The following CNTNAP4 variants were observed in gnomAD, a reference collection of about 807,000 sequenced individuals.
CNTNAP4 encodes contactin-associated protein-like 4.
CNTNAP4 carries 98 observed loss-of-function variants against 148.4 expected under a neutral mutation model. The observed-to-expected ratio is 0.66, with a 90% CI of 0.56 to 0.78. The LOEUF is 0.78. Among genes scored for constraint, CNTNAP4 ranks in the 30% least tolerant of loss-of-function variants. The probability of loss-of-function intolerance (pLI) is 0.00; values close to 1 mark genes in which losing one functional copy is unlikely to be tolerated. For missense variants in CNTNAP4, 1,935 were observed against 1,565.6 expected (o/e 1.24, Z -3.98); for synonymous variants, 730 against 565.1 (o/e 1.29, Z -4.14).
chr16:76,498,582 A>G lies in CNTNAP4; in HGVS notation c.2253A>G (p.Gly751=). Residue 751 remains glycine, a synonymous_variant, in exon 15 of 24, where the codon GGA becomes GGG. Coordinates refer to ENST00000611870, the MANE Select transcript of CNTNAP4 (RefSeq NM_033401.5). Reference sequence around the variant, plus strand: ...TGTTTTTTAGGACCAATGACACTGGATTGCTTGCTTATAAAGAACATCTTC... The same window carrying G: ...TGTTTTTTAGGACCAATGACACTGGGTTGCTTGCTTATAAAGAACATCTTC... ...ADRNEWTNDT[G]LLAYKEHLPV... is the part of the protein sequence containing the mutation. The G allele has an allele frequency of 6.2e-7, 1 of 1,612,138 alleles. No individual in the cohort carries two copies.
chr16:76,277,573 C>A lies in CNTNAP4; in HGVS notation c.-90C>A. On this transcript the variant is annotated 5_prime_UTR_variant, in exon 1 of 24. Coordinates refer to ENST00000611870, the MANE Select transcript of CNTNAP4 (RefSeq NM_033401.5). ...ACAGAGACCTAGAGGGGCTGAAGAC[C>A]CAGACAGAGCTGGCAGAGCTACTGA... The A allele has an allele frequency of 1.2e-6, 1 of 837,694 alleles. No homozygotes were observed. The allele number at this position is 837,694 out of a possible 1,614,324, so 51.9% of individuals were successfully genotyped here. A position where few individuals can be genotyped will look rare whatever the true frequency, so the allele number is the denominator to read the frequency against.
At chr16:76,384,523 A>G (rs935004155) in intron 3 of CNTNAP4, among the ~76,000 whole-genome samples, 3 of 152,194 alleles carry the variant, frequency 2.0e-5, no homozygotes, top group African/African-American at 4.8e-5. Context: ...ATAAAGTGCC[A>G]TGTAGCTTTG....
chr16:76,314,653 C>G (rs983603367), intron 1 of CNTNAP4, among the ~76,000 whole-genome samples: 5 of 152,148 alleles, frequency 3.3e-5, no homozygotes, highest in African/African-American at 9.7e-5. Context: ...GTTAAGTAAA[C>G]GTTATCAATC....
intron 3 of CNTNAP4, among the ~76,000 whole-genome samples, chr16:76,385,625 A>G (rs1443303669): frequency 6.6e-6 from 1 of 151,700 alleles, no homozygotes. Flanking sequence ...ATGTTCTATA[A>G]AGTTCCTGTG....
chr16:76,314,507 A>G (rs1052767874), intron 1 of CNTNAP4, among the ~76,000 whole-genome samples: 4 of 152,226 alleles, frequency 2.6e-5, no homozygotes, highest in South Asian at 2.1e-4. Context: ...GAGCTCTGCT[A>G]CAAGGGTTTG....
chr16:76,440,261 T>A (rs1597546306), intron 4 of CNTNAP4, among the ~76,000 whole-genome samples: 1 of 152,162 alleles, frequency 6.6e-6, no homozygotes, highest in African/African-American at 2.4e-5. Context: ...CTAGTGTCTT[T>A]TTCAATCACT....
chr16:76,459,238 A>G (rs913024874), intron 8 of CNTNAP4, among the ~76,000 whole-genome samples: 2 of 152,222 alleles, frequency 1.3e-5, no homozygotes, highest in Non-Finnish European at 2.9e-5. Flanking sequence ...ATCTTAAAGG[A>G]AGCACTGGAT....
chr16:76,491,565 T>G (rs2082222697), intron 13 of CNTNAP4, among the ~76,000 whole-genome samples: 1 of 152,128 alleles, frequency 6.6e-6, no homozygotes, highest in African/African-American at 2.4e-5. Context: ...CTGTTTAGTT[T>G]GTAATGGGTT....
chr16:76,338,164 C>T (rs1294954488), intron 2 of CNTNAP4, among the ~76,000 whole-genome samples: 2 of 152,124 alleles, frequency 1.3e-5, no homozygotes, highest in Non-Finnish European at 2.9e-5. Flanking sequence ...GAAATCTTCA[C>T]AATTTATGTT....
At chr16:76,473,257 A>G (rs566493158) in intron 10 of CNTNAP4, among the ~76,000 whole-genome samples, 5 of 152,306 alleles carry the variant, frequency 3.3e-5, no homozygotes, top group African/African-American at 4.8e-5. Context: ...CAGATTGTAA[A>G]GTAGCATTTC....
At chr16:76,278,305 C>T (rs575568016) in intron 1 of CNTNAP4, among the ~76,000 whole-genome samples, 1 of 152,158 alleles carries the variant, frequency 6.6e-6, no homozygotes, top group Non-Finnish European at 1.5e-5. Flanking sequence ...GCTGTGCCCT[C>T]GCTGCTAAGA....
intron 1 of CNTNAP4, among the ~76,000 whole-genome samples, chr16:76,284,711 A>G (rs1381977206): frequency 6.6e-6 from 1 of 152,020 alleles, no homozygotes; most frequent in Non-Finnish European, 1.5e-5. Flanking sequence ...AATTTCTTCC[A>G]TGAGCTCTTA....
intron 1 of CNTNAP4, among the ~76,000 whole-genome samples, chr16:76,311,138 G>A (rs1253150629): frequency 6.6e-6 from 1 of 151,968 alleles, no homozygotes; most frequent in East Asian, 1.9e-4. Context: ...TAAGAAAATT[G>A]AATTACTTTT....
chr16:76,481,572 A>C (rs1227485983), intron 12 of CNTNAP4, among the ~76,000 whole-genome samples: 1 of 151,818 alleles, frequency 6.6e-6, no homozygotes, highest in Non-Finnish European at 1.5e-5. Flanking sequence ...TAACTGCTTA[A>C]TAGCCTCCCG....
chr16:76,391,627 A>T (rs1303220673), intron 3 of CNTNAP4, among the ~76,000 whole-genome samples: 1 of 152,166 alleles, frequency 6.6e-6, no homozygotes, highest in Non-Finnish European at 1.5e-5. Flanking sequence ...CCAAGATCCC[A>T]CTTCGGATCT....
intron 15 of CNTNAP4, among the ~76,000 whole-genome samples, chr16:76,510,251 G>C (rs560264536): frequency 3.9e-5 from 6 of 152,020 alleles, no homozygotes; most frequent in African/African-American, 1.4e-4. Flanking sequence ...CAAGATATGT[G>C]ATCTCTTGTG....
chr16:76,492,606 G>A (rs1240765833), intron 13 of CNTNAP4, among the ~76,000 whole-genome samples: 7 of 152,118 alleles, frequency 4.6e-5, no homozygotes, highest in Non-Finnish European at 8.8e-5. Flanking sequence ...TGTCAAGGGC[G>A]GGGCCAGATG....
In CNTNAP4 at chr16:76,559,874, A is replaced by G. The variant is rs2085350281; in HGVS notation, c.*1191A>G. Among the ~76,000 whole-genome samples, 1 of 152,196 alleles carries G rather than the reference A, an allele frequency of 6.6e-6. No homozygotes were observed. The highest frequency in any genetic ancestry group is 1.5e-5 in the Non-Finnish European group (1 of 68,028). On this transcript the variant is annotated 3_prime_UTR_variant, in exon 24 of 24. Coordinates refer to ENST00000611870, the MANE Select transcript of CNTNAP4 (RefSeq NM_033401.5). ...AGTGATCTACACAATCAATAATTAA[A>G]CAATGCACACTCTAAGGGGAGATAG...
intron 4 of CNTNAP4, among the ~76,000 whole-genome samples, chr16:76,447,578 T>C (rs1297688505): frequency 1.3e-5 from 2 of 152,138 alleles, no homozygotes; most frequent in Non-Finnish European, 2.9e-5. Flanking sequence ...TTTTTGACTT[T>C]ACAGTGGTGT....
Sources: gnomAD v4.1 joint callset for allele counts (sites outside exome capture counted in the v4.1 genomes callset) on GRCh38, gnomAD v4.1.1 for gene constraint, MANE v1.5 for transcripts, NCBI Gene and HGNC (gene_info 2026-07-23, HGNC 2026-07-21) for gene names.